The following PRKCA variants were observed in gnomAD, a reference collection of about 807,000 sequenced individuals.
The protein encoded by PRKCA is protein kinase C alpha type.
Under a neutral mutation model 87.0 loss-of-function variants are expected in PRKCA, and 27 were observed. That is an observed-to-expected ratio of 0.31 (90% CI 0.23 to 0.43). The LOEUF is 0.43. PRKCA is among the 20% of genes least tolerant of loss of function. PRKCA has a pLI of 1.00. For missense variants in PRKCA, 518 were observed against 852.3 expected, an observed-to-expected ratio of 0.61 and a Z score of 4.88; for synonymous variants, 329 against 311.1, an observed-to-expected ratio of 1.06 and a Z score of -0.61.
intron 2 of PRKCA, among the ~76,000 whole-genome samples, chr17:66,359,782 G>A (rs985509657): frequency 6.6e-6 from 1 of 152,164 alleles, no homozygotes; most frequent in Non-Finnish European, 1.5e-5. Flanking sequence ...GTCGGGAACA[G>A]AAAAGGATTA....
chr17:66,771,961 GA>G (rs1246010992), intron 13 of PRKCA, among the ~76,000 whole-genome samples: 4 of 152,030 alleles, frequency 2.6e-5, no homozygotes, highest in Admixed American at 6.6e-5. Flanking sequence ...ATGGCTTCTG[GA>G]ATTTTTTTTA....
Position 66,578,772 on chromosome 17 carries a change from C to T in PRKCA, c.289-62583C>T, listed in dbSNP as rs192435132. Among the ~76,000 whole-genome samples the T allele has an allele frequency of 3.6e-4, 55 of 152,298 alleles. No homozygotes were observed. The East Asian group carries it at 9.1e-3, about 25-fold the overall frequency. On this transcript the variant is annotated intron_variant, in intron 3 of 16. Coordinates refer to ENST00000413366, the MANE Select transcript of PRKCA (RefSeq NM_002737.3). The stretch of plus-strand genomic sequence containing the variant: ...CCTCTTCATCCAGATCTGTGACTGT[C>T]GTGATAGTGTCCTAACTGACCGCCT...
intron 3 of PRKCA, among the ~76,000 whole-genome samples, chr17:66,616,039 C>T (rs1319912330): frequency 2.0e-5 from 3 of 152,168 alleles, no homozygotes; most frequent in Admixed American, 2.0e-4. Flanking sequence ...TGCAATGTTA[C>T]TCGTCACTAC....
At chr17:66,580,945 G>A (rs773031319) in intron 3 of PRKCA, among the ~76,000 whole-genome samples, 3 of 151,452 alleles carry the variant, frequency 2.0e-5, no homozygotes, top group African/African-American at 7.3e-5. Context: ...CCCCATGCTC[G>A]ATTTATCCCA....
In PRKCA at chr17:66,688,291, G is replaced by A. The variant is rs935566827; in HGVS notation, c.687-11G>A. 7.4e-6 allele frequency: 12 copies of A among 1,613,812 alleles called. No homozygotes were observed. Among genetic ancestry groups the A allele is most frequent in the Middle Eastern group, 1.6e-4 (1 of 6,062 alleles). On this transcript the variant is annotated splice_polypyrimidine_tract_variant and intron_variant, in intron 6 of 16. Coordinates refer to ENST00000413366, the MANE Select transcript of PRKCA (RefSeq NM_002737.3). ...GATAACCTAGTGTTTGCATGTGTGTGTGTCTTGTAGCAAATTGAAACCTTC... is the reference window on the plus strand; with the variant it reads ...GATAACCTAGTGTTTGCATGTGTGTATGTCTTGTAGCAAATTGAAACCTTC...
intron 2 of PRKCA, among the ~76,000 whole-genome samples, chr17:66,383,060 C>T (rs1383473181): frequency 8.0e-6 from 1 of 125,640 alleles, no homozygotes; most frequent in Admixed American, 7.7e-5. Context: ...TATATCCTAA[C>T]AGAGTAATTT....
At chr17:66,478,694 A>G (rs1389495654) in intron 2 of PRKCA, among the ~76,000 whole-genome samples, 1 of 152,210 alleles carries the variant, frequency 6.6e-6, no homozygotes, top group South Asian at 2.1e-4. Context: ...AAATTAGAGA[A>G]TATAGATGAA....
At chr17:66,741,548 G>A in intron 11 of PRKCA, 111 bp from the exon 12 acceptor site, 1 of 1,154,404 alleles carries the variant, frequency 8.7e-7, no homozygotes, top group East Asian at 2.4e-5. Context: ...GTCTCTGAGA[G>A]CCTCTGGGTC....
intron 3 of PRKCA, among the ~76,000 whole-genome samples, chr17:66,618,171 A>G (rs542832971): frequency 1.3e-5 from 2 of 152,220 alleles, no homozygotes; most frequent in African/African-American, 2.4e-5. Context: ...CCTGACCAAC[A>G]TGGCAAAACC....
intron 16 of PRKCA, among the ~76,000 whole-genome samples, chr17:66,802,320 G>A (rs1335797839): frequency 6.6e-6 from 1 of 152,178 alleles, no homozygotes; most frequent in African/African-American, 2.4e-5. Context: ...CAGGTACTTA[G>A]GAGCAGGTTT....
chr17:66,436,088 T>C (rs1913377798), intron 2 of PRKCA, among the ~76,000 whole-genome samples: 1 of 152,114 alleles, frequency 6.6e-6, no homozygotes, highest in Non-Finnish European at 1.5e-5. Flanking sequence ...TCAGGCATTA[T>C]GGAGAAAAGT....
chr17:66,492,829 A>G (rs1916303034), intron 2 of PRKCA, among the ~76,000 whole-genome samples: 1 of 152,232 alleles, frequency 6.6e-6, no homozygotes, highest in Non-Finnish European at 1.5e-5. Context: ...GTAGGAGCTA[A>G]GCACTGCCCT....
At chr17:66,483,090 C>G (rs923272170) in intron 2 of PRKCA, among the ~76,000 whole-genome samples, 4 of 152,184 alleles carry the variant, frequency 2.6e-5, no homozygotes, top group Non-Finnish European at 5.9e-5. Flanking sequence ...CCTTGAATCC[C>G]GAACCACTTG....
At chr17:66,488,089 G>A (rs957559373) in intron 2 of PRKCA, among the ~76,000 whole-genome samples, 43 of 152,166 alleles carry the variant, frequency 2.8e-4, no homozygotes, top group African/African-American at 8.2e-4. Flanking sequence ...CTTTGAGCTC[G>A]TATAATACTC....
At chr17:66,353,788 T>C (rs973007004) in intron 2 of PRKCA, among the ~76,000 whole-genome samples, 7 of 152,180 alleles carry the variant, frequency 4.6e-5, no homozygotes, top group African/African-American at 1.7e-4. Context: ...GGAATTAAGA[T>C]GGTCTGAGAT....
intron 2 of PRKCA, among the ~76,000 whole-genome samples, chr17:66,453,834 C>T (rs925457378): frequency 2.6e-5 from 4 of 152,144 alleles, no homozygotes; most frequent in Admixed American, 1.3e-4. Context: ...TAAGTGTGAC[C>T]ATTTAGCTTA....
intron 5 of PRKCA, among the ~76,000 whole-genome samples, chr17:66,686,634 T>C (rs1255620891): frequency 6.6e-6 from 1 of 152,122 alleles, no homozygotes; most frequent in Non-Finnish European, 1.5e-5. Flanking sequence ...TGGAAGCCAT[T>C]GGCCTTTACC....
chr17:66,501,716 A>G (rs1302965212), intron 3 of PRKCA, among the ~76,000 whole-genome samples: 1 of 152,200 alleles, frequency 6.6e-6, no homozygotes, highest in East Asian at 1.9e-4. Flanking sequence ...TCATCAGACA[A>G]CATAAAATAA....
At chr17:66,316,550 T>A (rs1303834705) in intron 2 of PRKCA, among the ~76,000 whole-genome samples, 1 of 152,220 alleles carries the variant, frequency 6.6e-6, no homozygotes, top group African/African-American at 2.4e-5. Flanking sequence ...TTTAAAAGTT[T>A]ATCAGCTATC....
Sources: allele counts gnomAD v4.1 joint callset (sites outside exome capture counted in the v4.1 genomes callset), GRCh38; gene constraint gnomAD v4.1.1; transcripts MANE v1.5; gene names NCBI Gene and HGNC (gene_info 2026-07-23, HGNC 2026-07-21).